RREB1: variants seen among roughly 807,000 people sequenced by gnomAD.
The protein encoded by RREB1 is ras-responsive element-binding protein 1.
A neutral mutation model predicts 117.8 loss-of-function variants in RREB1; 27 were observed. The observed-to-expected ratio is 0.23, with a 90% CI of 0.17 to 0.32. RREB1 has a LOEUF of 0.32. Among genes scored for constraint, RREB1 ranks in the 10% least tolerant of loss-of-function variants. The pLI is 1.00. For synonymous variants in RREB1, 1,298 were observed against 1,026.7 expected (o/e 1.26, Z -5.05); for missense variants, 2,577 against 2,378.2 (o/e 1.08, Z -1.74).
intron 1 of RREB1, among the ~76,000 whole-genome samples, chr6:7,135,428 T>A (rs1762312202): frequency 6.6e-6 from 1 of 152,200 alleles, no homozygotes; most frequent in Non-Finnish European, 1.5e-5. Flanking sequence ...GCTGGTAGAT[T>A]GAGACCTTTC....
intron 1 of RREB1, among the ~76,000 whole-genome samples, chr6:7,144,763 T>G (rs1198932724): frequency 2.6e-5 from 4 of 152,248 alleles, no homozygotes; most frequent in Non-Finnish European, 5.9e-5. Flanking sequence ...CCCAAGGAGA[T>G]ACATTTCTGT....
intron 8 of RREB1, chr6:7,217,728 A>G (rs767860629): frequency 3.9e-5 from 6 of 152,176 alleles, no homozygotes; most frequent in Non-Finnish European, 5.9e-5. Flanking sequence ...TTCTTCTGAT[A>G]CTATTATTTA....
At position 7,219,092 on chromosome 6, in the gene RREB1, C is replaced by CAAAAAAAAA. The variant is rs57534871; in HGVS notation, c.708-7352_708-7344dup. On this transcript the variant is annotated intron_variant, in intron 8 of 12. Coordinates refer to ENST00000379938, the MANE Select transcript of RREB1 (RefSeq NM_001003699.4). ...GCGAAACTCCATCTCTACTAAAATACAAAAAAAAAAAAAAAAAAAAAAAAA... is the reference window on the plus strand; with the variant it reads ...GCGAAACTCCATCTCTACTAAAATACAAAAAAAAAAAAAAAAAAAAAAAAAAAAAAAAAA... 28 of 40,528 alleles carry CAAAAAAAAA rather than the reference C, an allele frequency of 6.9e-4. 1 individual carries two copies. The highest frequency in any genetic ancestry group is 8.1e-4 in the Non-Finnish European group (20 of 24,592). The allele number at this position is 40,528 out of a possible 1,614,324, so 2.5% of individuals were successfully genotyped here.
At position 7,249,121 on chromosome 6, in the gene RREB1, T is replaced by C; in HGVS notation, c.*153T>C. 2.9e-6 allele frequency: 2 copies of C among 682,358 alleles called. No homozygotes were observed. The highest frequency in any genetic ancestry group is 1.8e-5 in the African/African-American group (1 of 54,656). The allele number at this position is 682,358 out of a possible 1,614,324, so 42.3% of individuals were successfully genotyped here. ...AGAGAGAGACAAGCAGGAGCGTGGC[T>C]GCTCGCTCAGTGCCATAGCCTTACC... On this transcript the variant is annotated 3_prime_UTR_variant, in exon 13 of 13. Transcript: ENST00000379938.
chr6:7,224,802 T>A, intron 8 of RREB1, among the ~76,000 whole-genome samples: 1 of 152,154 alleles, frequency 6.6e-6, no homozygotes, highest in East Asian at 1.9e-4. Context: ...TCCCTGGGCC[T>A]TGACCACAGT....
chr6:7,128,261 A>G (rs1424454913), intron 1 of RREB1, among the ~76,000 whole-genome samples: 1 of 152,150 alleles, frequency 6.6e-6, no homozygotes, highest in Non-Finnish European at 1.5e-5. Flanking sequence ...TTGTTGGCGA[A>G]CATTTTTTGT....
chr6:7,146,319 G>A (rs772804785), intron 1 of RREB1, among the ~76,000 whole-genome samples: 11 of 152,140 alleles, frequency 7.2e-5, no homozygotes, highest in Non-Finnish European at 1.3e-4. Flanking sequence ...ATTCTTGAAT[G>A]TGCATTTATG....
rs368455773 is a variant in RREB1, at chr6:7,246,701, C to T, written c.4251C>T (p.Asp1417=). The T allele has an allele frequency of 2.5e-6, 4 of 1,584,774 alleles. No individual in the cohort carries two copies. The highest frequency in any genetic ancestry group is 2.6e-6 in the Non-Finnish European group (3 of 1,165,940). ...ACGCGTCGAGCAACCAGAGCCTGGA[C>T]CTGGACTTCGCCACCAAGCTCATGG... ...EEDASSNQSL[D]LDFATKLMDF... is the part of the protein sequence containing the mutation. Residue 1417 remains aspartate, a synonymous_variant, in exon 12 of 13, where the codon GAC becomes GAT. Coordinates refer to ENST00000379938, the MANE Select transcript of RREB1 (RefSeq NM_001003699.4).
intron 10 of RREB1, among the ~76,000 whole-genome samples, chr6:7,237,726 T>C (rs1016952820): frequency 2.0e-5 from 3 of 152,244 alleles, no homozygotes; most frequent in African/African-American, 4.8e-5. Context: ...ACCTGCGTTA[T>C]TATAAAATAC....
chr6:7,169,499 G>A (rs1274572064), intron 1 of RREB1, among the ~76,000 whole-genome samples: 1 of 152,194 alleles, frequency 6.6e-6, no homozygotes, highest in Non-Finnish European at 1.5e-5. Flanking sequence ...GGCTTTTTTG[G>A]GGAAAGGGCC....
chr6:7,161,428 A>C (rs1275242263), intron 1 of RREB1, among the ~76,000 whole-genome samples: 1 of 152,168 alleles, frequency 6.6e-6, no homozygotes, highest in Non-Finnish European at 1.5e-5. Flanking sequence ...AAGACTGCAG[A>C]TGTTCTTAGG....
chr6:7,195,036 C>CAT (rs1765598501), intron 6 of RREB1, among the ~76,000 whole-genome samples: 1 of 152,136 alleles, frequency 6.6e-6, no homozygotes, highest in African/African-American at 2.4e-5. Context: ...TTAAATGGTA[C>CAT]ATATCAGTAA....
chr6:7,230,393 A>G lies in RREB1; in HGVS notation c.2294A>G (p.Tyr765Cys), dbSNP rs781193210. The G allele has an allele frequency of 3.7e-5, 59 of 1,593,016 alleles. No individual in the cohort carries two copies. Among genetic ancestry groups the G allele is most frequent in the East Asian group, 1.1e-4 (5 of 44,694 alleles). The change falls in exon 10 of 13, where the codon TAT becomes TGT. Residue 765 changes from tyrosine to cysteine, a missense_variant. Coordinates refer to ENST00000379938, the MANE Select transcript of RREB1 (RefSeq NM_001003699.4). Reference protein sequence around the residue: ...CRLCGEDLKHYRALRIHMRTH... With the variant: ...CRLCGEDLKHCRALRIHMRTH... ...CTGTGCGGCGAGGACCTCAAGCACT[A>G]TCGTGCCCTGCGCATCCACATGCGC...
At chr6:7,109,703 A>C (rs1406239495) in intron 1 of RREB1, among the ~76,000 whole-genome samples, 1 of 152,234 alleles carries the variant, frequency 6.6e-6, no homozygotes, top group Admixed American at 6.5e-5. Context: ...GTTAGGAGAT[A>C]GAACGTGAGC....
Position 7,229,781 on chromosome 6 carries a change from A to G in RREB1, c.1682A>G (p.His561Arg), listed in dbSNP as rs1767810214. 2.5e-6 allele frequency: 4 copies of G among 1,607,632 alleles called. No homozygotes were observed. Among genetic ancestry groups the G allele is most frequent in the Non-Finnish European group, 2.6e-6 (3 of 1,176,186 alleles). ...KGSVEAASNAHLLQSKSGTQP... is the reference protein window; with the variant it reads ...KGSVEAASNARLLQSKSGTQP... ...TCAGTGGAGGCGGCCTCCAACGCCC[A>G]CCTGCTGCAGTCCAAGTCCGGGACC... Residue 561 changes from histidine (H) to arginine (R), a missense_variant, in exon 10 of 13, where the codon CAC (histidine) becomes CGC (arginine). By Grantham distance (29) the His-to-Arg change is conservative. Coordinates refer to ENST00000379938, the MANE Select transcript of RREB1 (RefSeq NM_001003699.4). This position sits in a 1 kb window ranked among gnomAD's most constrained non-coding sequence, Gnocchi z 4.5.
At chr6:7,240,297 T>C (rs1768619526) in intron 10 of RREB1, 141 bp from the exon 11 acceptor site, 2 of 497,778 alleles carry the variant, frequency 4.0e-6, no homozygotes, top group Admixed American at 3.7e-5. Flanking sequence ...TTTTTTTTTC[T>C]AATGTGTTTT....
chr6:7,212,393 A>G (rs1284602348), intron 8 of RREB1: 2 of 152,252 alleles, frequency 1.3e-5, no homozygotes, highest in African/African-American at 4.8e-5. Flanking sequence ...ACAAGAATTC[A>G]GGGGACTCAT....
chr6:7,227,222 G>C (rs1048795488), intron 9 of RREB1, among the ~76,000 whole-genome samples: 6 of 149,810 alleles, frequency 4.0e-5, no homozygotes, highest in Admixed American at 4.0e-4. Context: ...AGCGTGGGTG[G>C]CAGAGAGAGA....
At chr6:7,182,480 G>A (rs571243204) in intron 4 of RREB1, among the ~76,000 whole-genome samples, 26 of 152,144 alleles carry the variant, frequency 1.7e-4, no homozygotes, top group Non-Finnish European at 2.8e-4. Context: ...TAGGGCTGCC[G>A]TTCAGCTTTC....
Sources: gnomAD v4.1 joint callset for allele counts (sites outside exome capture counted in the v4.1 genomes callset) on GRCh38, gnomAD v4.1.1 for gene constraint, Gnocchi (gnomAD v3.1) non-coding constraint, MANE v1.5 for transcripts, NCBI Gene and HGNC (gene_info 2026-07-23, HGNC 2026-07-21) for gene names.